Variants in CYP1A2 observed in about 807,000 individuals in gnomAD.
CYP1A2 encodes cytochrome P450 family 1 subfamily A member 2.
A neutral mutation model predicts 34.7 loss-of-function variants in CYP1A2; 35 were observed. The ratio of observed to expected loss-of-function variants is 1.01; its 90% confidence interval spans 0.77 to 1.34. CYP1A2 has a LOEUF of 1.34. CYP1A2 is among the 40% of genes most tolerant of loss of function. The pLI, the probability that CYP1A2 is intolerant of heterozygous loss-of-function variation, is 0.00. For missense variants in CYP1A2, 675 were observed against 675.8 expected (o/e 1.00, Z 0.01); for synonymous variants, 288 against 281.9 (o/e 1.02, Z -0.22).
intron 6 of CYP1A2, among the ~76,000 whole-genome samples, chr15:74,753,702 C>G (rs1055160880): frequency 6.6e-5 from 10 of 150,710 alleles, no homozygotes; most frequent in African/African-American, 2.4e-4. Flanking sequence ...CCACTGCACT[C>G]CAGCCTGGGT....
Position 74,755,295 on chromosome 15 carries a change from T to C in CYP1A2, c.*207T>C. 1 of 517,928 alleles carries C rather than the reference T, an allele frequency of 1.9e-6. No homozygotes were observed. The highest frequency in any genetic ancestry group is 3.5e-5 in the East Asian group (1 of 28,544). 32.1% of individuals were successfully genotyped at this position (517,928 alleles called of 1,614,324 possible). ...GCCTGGCCAACATAGTGGGACCCTG[T>C]CTCTACAAAAAAAAAATTTGCCAAG... On this transcript the variant is annotated 3_prime_UTR_variant, in exon 7 of 7. Coordinates refer to ENST00000343932, the MANE Select transcript of CYP1A2 (RefSeq NM_000761.5).
chr15:74,754,227 T>C (rs1191148222), intron 6 of CYP1A2, among the ~76,000 whole-genome samples: 3 of 151,986 alleles, frequency 2.0e-5, no homozygotes, highest in Non-Finnish European at 4.4e-5. Context: ...TTAATTTCTT[T>C]TAGATAAAGC....
In CYP1A2 at chr15:74,755,023, G is replaced by T; in HGVS notation, c.1486G>T (p.Gly496Trp). Residue 496 changes from glycine (G) to tryptophan (W), a missense_variant, in exon 7 of 7, where the codon GGG becomes TGG. By Grantham distance (184) the Gly-to-Trp change is radical. Transcript: ENST00000343932. ...GAAAGTCGACCTGACCCCCATCTAC[G>T]GGCTGACCATGAAGCACGCCCGCTG... ...GVKVDLTPIY[G>W]LTMKHARCEH... 1 of 1,614,118 alleles carries T rather than the reference G, an allele frequency of 6.2e-7. No individual in the cohort carries two copies. Among genetic ancestry groups the T allele is most frequent in the Non-Finnish European group, 8.5e-7 (1 of 1,180,026 alleles).
Position 74,750,177 on chromosome 15 carries a change from TTC to T in CYP1A2, c.442_443del (p.Ser148HisfsTer4). On this transcript the variant is annotated frameshift_variant, in exon 2 of 7. Transcript: ENST00000343932. LOFTEE classifies it high-confidence loss of function. ...CCTGGCCCAGAATGCCCTCAACACCTTCTCCATCGCCTCTGACCCAGCTTCCT... is the reference window on the plus strand; with the variant it reads ...CCTGGCCCAGAATGCCCTCAACACCTTCCATCGCCTCTGACCCAGCTTCCT... ...RRLAQNALNT[F>X]SIASDPASSS... 6.2e-7 allele frequency: 1 copy of T among 1,614,106 alleles called. No homozygotes were observed. The highest frequency in any genetic ancestry group is 1.1e-5 in the South Asian group (1 of 91,074).
At position 74,749,181 on chromosome 15, in the gene CYP1A2, C is replaced by T. The variant is rs190560674; in HGVS notation, c.-10+284C>T. ...CCAAGACTGTGAGAGGATGGGGACT[C>T]ATCCCTGGAGGAGGTGCCCCTCCTG... On this transcript the variant is annotated intron_variant, in intron 1 of 6. Transcript: ENST00000343932. Among the ~76,000 whole-genome samples the T allele has an allele frequency of 1.8e-3, 277 of 152,348 alleles. 3 individuals carry two copies. The highest frequency in any genetic ancestry group is 4.0e-3 in the Admixed American group (61 of 15,304).
chr15:74,752,286 C>T (rs774235842), intron 5 of CYP1A2, 39 bp downstream of exon 5: 8 of 1,608,356 alleles, frequency 5.0e-6, no homozygotes, highest in Non-Finnish European at 1.7e-6. Flanking sequence ...CTCTAAAGTG[C>T]TTGCCATGTT....
At chr15:74,752,021 G>C (rs2063317838) in intron 4 of CYP1A2, 103 bp from the exon 5 acceptor site, 1 of 1,565,676 alleles carries the variant, frequency 6.4e-7, no homozygotes, top group Admixed American at 1.8e-5. Flanking sequence ...GCAGACTTGT[G>C]AATAGACAGT....
intron 1 of CYP1A2, among the ~76,000 whole-genome samples, chr15:74,749,301 C>A (rs1047230560): frequency 4.6e-5 from 7 of 152,216 alleles, no homozygotes; most frequent in African/African-American, 1.4e-4. Flanking sequence ...GTAGGGGGAA[C>A]TCCTGGTCCC....
Position 74,749,938 on chromosome 15 carries a change from G to A in CYP1A2, c.200G>A (p.Arg67Lys). ...AAGAACCCGCACCTGGCACTGTCAA[G>A]GATGAGCCAGCGCTACGGGGACGTC... ...LGKNPHLALS[R>K]MSQRYGDVLQ... Residue 67 changes from arginine (R) to lysine (K), a missense_variant, in exon 2 of 7, where the codon AGG becomes AAG. By Grantham distance (26) the Arg-to-Lys change is conservative. Transcript: ENST00000343932. 1 of 1,613,204 alleles carries A rather than the reference G, an allele frequency of 6.2e-7. No homozygotes were observed.
chr15:74,750,928 T>C (rs2063312259), intron 2 of CYP1A2, among the ~76,000 whole-genome samples: 1 of 152,196 alleles, frequency 6.6e-6, no homozygotes, highest in African/African-American at 2.4e-5. Flanking sequence ...TGCTTCCCTG[T>C]GTTCACACTA....
rs749152552 is a variant in CYP1A2 at position 74,750,021 on chromosome 15, C to T, written c.283C>T (p.Arg95Trp). The T allele has an allele frequency of 1.3e-5, 21 of 1,614,072 alleles. No individual in the cohort carries two copies. Among genetic ancestry groups the T allele is most frequent in the Admixed American group, 1.2e-4 (7 of 60,008 alleles). ...GGTGCTGAGCCGCCTGGACACCATCCGGCAGGCCCTGGTGCGGCAGGGCGA... is the reference window on the plus strand; with the variant it reads ...GGTGCTGAGCCGCCTGGACACCATCTGGCAGGCCCTGGTGCGGCAGGGCGA... The part of the protein sequence containing the change: ...VLVLSRLDTI[R>W]QALVRQGDDF... The change falls in exon 2 of 7, where the codon CGG becomes TGG. Residue 95 changes from arginine (R) to tryptophan (W), a missense_variant. Transcript: ENST00000343932.
In CYP1A2 at chr15:74,751,455, G is replaced by A. The variant is rs990841671; in HGVS notation, c.952+146G>A. ...GATCTGGCTTGGGATCAGGGTTTGA[G>A]CCTGGGCTATGCCACCAATTCCCAG... On this transcript the variant is annotated intron_variant, in intron 3 of 6. Coordinates refer to ENST00000343932, the MANE Select transcript of CYP1A2 (RefSeq NM_000761.5). The A allele has an allele frequency of 2.3e-6, 3 of 1,292,198 alleles. No homozygotes were observed. In the African/African-American group the frequency reaches 4.4e-5, roughly 19 times the overall value. The allele number at this position is 1,292,198 out of a possible 1,614,324, so 80.0% of individuals were successfully genotyped here.
intron 2 of CYP1A2, among the ~76,000 whole-genome samples, chr15:74,750,964 C>T (rs755436865): frequency 9.9e-5 from 15 of 152,132 alleles, no homozygotes; most frequent in Non-Finnish European, 1.9e-4. Flanking sequence ...GAAATTGGAC[C>T]CCTGGTGTTA....
At chr15:74,753,106 TG>T in intron 5 of CYP1A2, 77 bp from the exon 6 acceptor site, 1 of 1,143,674 alleles carries the variant, frequency 8.7e-7, no homozygotes. Flanking sequence ...GCAGGCTGTC[TG>T]GATGGGGTGG....
At chr15:74,751,990 A>T in intron 4 of CYP1A2, 134 bp from the exon 5 acceptor site, 2 of 1,523,354 alleles carry the variant, frequency 1.3e-6, no homozygotes. Context: ...TGCCTAGAAG[A>T]TGTGGGAGGT....
At position 74,750,578 on chromosome 15, in the gene CYP1A2, G is replaced by A. The variant is rs576092370; in HGVS notation, c.831+9G>A. On this transcript the variant is annotated intron_variant, in intron 2 of 6. Transcript: ENST00000343932. ...ATCAGGACTTTGACAAGGTGAGCCC[G>A]GGGTGCAGGTGGCAAGGGGCACCTT... 67 of 1,609,852 alleles carry A rather than the reference G, an allele frequency of 4.2e-5. No individual in the cohort carries two copies. The highest frequency in any genetic ancestry group is 4.8e-5 in the Non-Finnish European group (57 of 1,176,764).
At chr15:74,750,754 C>A (rs2063311363) in intron 2 of CYP1A2, among the ~76,000 whole-genome samples, 185 bp downstream of exon 2, 2 of 152,134 alleles carry the variant, frequency 1.3e-5, no homozygotes, top group African/African-American at 4.8e-5. Flanking sequence ...TTTCCTCATC[C>A]TTGAAGCCCC....
At position 74,750,372 on chromosome 15, in the gene CYP1A2, A is replaced by T. The variant is rs758748797; in HGVS notation, c.634A>T (p.Ser212Cys). 11 of 1,614,102 alleles carry T rather than the reference A, an allele frequency of 6.8e-6. No homozygotes were observed. In the East Asian group the frequency reaches 2.5e-4, roughly 36 times the overall value. Reference sequence around the variant, plus strand: ...GTGCTTCGGACAGCACTTCCCTGAGAGTAGCGATGAGATGCTCAGCCTCGT... The same window carrying T: ...GTGCTTCGGACAGCACTTCCCTGAGTGTAGCGATGAGATGCTCAGCCTCGT... ...AMCFGQHFPE[S>C]SDEMLSLVKN... The change falls in exon 2 of 7, where the codon AGT becomes TGT. Residue 212 changes from serine (S) to cysteine (C), a missense_variant. Coordinates refer to ENST00000343932, the MANE Select transcript of CYP1A2 (RefSeq NM_000761.5).
At chr15:74,750,812 G>C (rs2141737567) in intron 2 of CYP1A2, among the ~76,000 whole-genome samples, 1 of 152,264 alleles carries the variant, frequency 6.6e-6, no homozygotes, top group Non-Finnish European at 1.5e-5. Flanking sequence ...CTGGAAATGG[G>C]GCCCTAGCAG....
Sources: gnomAD v4.1 joint callset for allele counts (sites outside exome capture counted in the v4.1 genomes callset) on GRCh38, gnomAD v4.1.1 for gene constraint, MANE v1.5 for transcripts, NCBI Gene and HGNC (gene_info 2026-07-23, HGNC 2026-07-21) for gene names.